The following CNTNAP2 variants were observed in gnomAD, a reference collection of about 807,000 sequenced individuals.
The protein encoded by CNTNAP2 is contactin associated protein 2.
A neutral mutation model predicts 155.2 loss-of-function variants in CNTNAP2; 98 were observed. The ratio of observed to expected loss-of-function variants is 0.63; its 90% CI spans 0.54 to 0.75. The LOEUF is 0.75. CNTNAP2 is among the 30% of genes least tolerant of loss of function. The probability of loss-of-function intolerance (pLI) is 0.00; values close to 1 mark genes in which losing one functional copy is unlikely to be tolerated. For synonymous variants in CNTNAP2, 651 were observed against 631.2 expected (o/e 1.03, Z -0.47); for missense variants, 1,727 against 1,688.1 (o/e 1.02, Z -0.40).
At chr7:146,188,747 A>T (rs1205205906) in intron 1 of CNTNAP2, among the ~76,000 whole-genome samples, 9 of 152,186 alleles carry the variant, frequency 5.9e-5, no homozygotes, top group Non-Finnish European at 1.0e-4. Flanking sequence ...AAGTTCATTT[A>T]TTTTGCATCT....
At chr7:146,905,354 G>T (rs750756748) in intron 3 of CNTNAP2, among the ~76,000 whole-genome samples, 2 of 151,884 alleles carry the variant, frequency 1.3e-5, no homozygotes, top group African/African-American at 2.4e-5. Context: ...CCTCTTAGGG[G>T]CTCCGGTTTT....
intron 15 of CNTNAP2, among the ~76,000 whole-genome samples, chr7:148,082,996 G>A (rs1161675638): frequency 2.0e-5 from 3 of 152,042 alleles, no homozygotes; most frequent in Non-Finnish European, 4.4e-5. Context: ...GGATTCTCTT[G>A]GTGGTTGTAG....
At chr7:146,632,999 C>T (rs925872400) in intron 1 of CNTNAP2, among the ~76,000 whole-genome samples, 1 of 151,512 alleles carries the variant, frequency 6.6e-6, no homozygotes, top group East Asian at 1.9e-4. Context: ...TGAATGCTCT[C>T]CACAATCAAT....
chr7:146,635,444 T>G (rs1799581017), intron 1 of CNTNAP2, among the ~76,000 whole-genome samples: 1 of 152,208 alleles, frequency 6.6e-6, no homozygotes, highest in African/African-American at 2.4e-5. Flanking sequence ...GTGTGGACAT[T>G]CTTAGGTGAG....
intron 1 of CNTNAP2, among the ~76,000 whole-genome samples, chr7:146,135,682 A>G (rs117622761): frequency 6.6e-6 from 1 of 152,164 alleles, no homozygotes; most frequent in Non-Finnish European, 1.5e-5. Context: ...TACCTACCTT[A>G]GTAAAACTGA....
intron 1 of CNTNAP2, among the ~76,000 whole-genome samples, chr7:146,663,789 T>C (rs1219852878): frequency 2.0e-5 from 3 of 152,200 alleles, no homozygotes; most frequent in African/African-American, 7.2e-5. Flanking sequence ...CCACCATGTC[T>C]ACTGTGAATA....
At chr7:146,838,456 T>G (rs918500368) in intron 2 of CNTNAP2, among the ~76,000 whole-genome samples, 4 of 152,114 alleles carry the variant, frequency 2.6e-5, no homozygotes, top group African/African-American at 9.7e-5. Context: ...TAGCTGGGAT[T>G]ACAGGCACCT....
chr7:146,436,095 T>C (rs1796239033), intron 1 of CNTNAP2, among the ~76,000 whole-genome samples: 2 of 152,182 alleles, frequency 1.3e-5, no homozygotes, highest in African/African-American at 4.8e-5. Flanking sequence ...TACATTATTC[T>C]TAATTTATAA....
intron 1 of CNTNAP2, among the ~76,000 whole-genome samples, chr7:146,358,605 A>C (rs1427254226): frequency 6.6e-6 from 1 of 152,190 alleles, no homozygotes; most frequent in African/African-American, 2.4e-5. Context: ...AGATCGTATT[A>C]ATATGTATAG....
At chr7:146,613,972 CTG>C (rs1197316542) in intron 1 of CNTNAP2, among the ~76,000 whole-genome samples, 1 of 151,988 alleles carries the variant, frequency 6.6e-6, no homozygotes, top group Admixed American at 6.6e-5. Context: ...TTATCATTGA[CTG>C]TTTTGGGAAG....
chr7:146,620,920 A>G (rs1799305953), intron 1 of CNTNAP2, among the ~76,000 whole-genome samples: 1 of 152,248 alleles, frequency 6.6e-6, no homozygotes, highest in Non-Finnish European at 1.5e-5. Context: ...GAGGAAATAA[A>G]GTGACCTTTT....
chr7:148,366,517 C>T (rs919338476), intron 21 of CNTNAP2, among the ~76,000 whole-genome samples: 1 of 152,168 alleles, frequency 6.6e-6, no homozygotes, highest in African/African-American at 2.4e-5. Flanking sequence ...TTATTTCACT[C>T]TTTCTATAAA....
chr7:146,948,617 A>G lies in CNTNAP2; in HGVS notation c.403-95290A>G, dbSNP rs192041854. 2.0e-4 allele frequency among the ~76,000 whole-genome samples: 31 copies of G among 152,316 alleles called. No homozygotes were observed. In the East Asian group the frequency reaches 5.6e-3, roughly 27 times the overall value. ...ACATTACAGTATATAAGTGCTTTAT[A>G]AAATGTATTTCCTTCAGTAAAACAA... On this transcript the variant is annotated intron_variant, in intron 3 of 23. Coordinates refer to ENST00000361727, the MANE Select transcript of CNTNAP2 (RefSeq NM_014141.6).
chr7:146,874,937 T>G (rs1292859861), intron 3 of CNTNAP2, among the ~76,000 whole-genome samples: 12 of 152,232 alleles, frequency 7.9e-5, no homozygotes, highest in Admixed American at 7.9e-4. Flanking sequence ...TGCCAATTTC[T>G]CTTGATCAGA....
intron 9 of CNTNAP2, among the ~76,000 whole-genome samples, chr7:147,355,383 T>A (rs1330485497): frequency 6.6e-6 from 1 of 151,862 alleles, no homozygotes; most frequent in Non-Finnish European, 1.5e-5. Flanking sequence ...TTTAAGGAAC[T>A]AGAGAAGCAA....
chr7:146,174,072 G>T (rs1440084883), intron 1 of CNTNAP2, among the ~76,000 whole-genome samples: 1 of 151,928 alleles, frequency 6.6e-6, no homozygotes, highest in Non-Finnish European at 1.5e-5. Flanking sequence ...AGAGATGGTT[G>T]TGCACATTTG....
chr7:147,302,507 A>G (rs1305020534), intron 9 of CNTNAP2, among the ~76,000 whole-genome samples: 1 of 152,210 alleles, frequency 6.6e-6, no homozygotes, highest in Non-Finnish European at 1.5e-5. Flanking sequence ...GCTAATGATC[A>G]CGATGCTTGT....
At chr7:147,006,611 C>A (rs959245508) in intron 3 of CNTNAP2, among the ~76,000 whole-genome samples, 9 of 152,010 alleles carry the variant, frequency 5.9e-5, no homozygotes, top group African/African-American at 1.9e-4. Flanking sequence ...TCCTCTCCCA[C>A]AAGAAAAATT....
chr7:147,089,969 G>C (rs1485520037), intron 4 of CNTNAP2, among the ~76,000 whole-genome samples: 1 of 152,164 alleles, frequency 6.6e-6, no homozygotes, highest in East Asian at 1.9e-4. Flanking sequence ...AAGCAGAGTA[G>C]ACTGAATTAT....
Sources: allele counts gnomAD v4.1 joint callset (sites outside exome capture counted in the v4.1 genomes callset), GRCh38; gene constraint gnomAD v4.1.1; transcripts MANE v1.5; gene names NCBI Gene and HGNC (gene_info 2026-07-23, HGNC 2026-07-21).